The following CDH13 variants were observed in gnomAD, a reference collection of about 807,000 sequenced individuals.
CDH13 encodes cadherin 13, also known as cadherin-13.
Under a neutral mutation model 63.8 loss-of-function variants are expected in CDH13, and 24 were observed. The observed-to-expected ratio is 0.38, with a 90% confidence interval of 0.27 to 0.53. The LOEUF is 0.53. Ranked by LOEUF, CDH13 falls within the 20% of genes least tolerant of loss-of-function variation. The pLI is 0.85. For missense variants in CDH13, 1,049 were observed against 903.1 expected, an observed-to-expected ratio of 1.16 and a Z score of -2.07; for synonymous variants, 503 against 355.3, an observed-to-expected ratio of 1.42 and a Z score of -4.67.
intron 6 of CDH13, among the ~76,000 whole-genome samples, chr16:83,359,853 A>G (rs1315990185): frequency 6.6e-6 from 1 of 152,160 alleles, no homozygotes; most frequent in Non-Finnish European, 1.5e-5. Flanking sequence ...GTGGTTTTTA[A>G]TATATTCACA....
At chr16:82,877,126 T>C (rs970493143) in intron 2 of CDH13, among the ~76,000 whole-genome samples, 5 of 152,238 alleles carry the variant, frequency 3.3e-5, no homozygotes, top group African/African-American at 9.6e-5. Context: ...TAGATATTTA[T>C]AGGGCTTGTA....
At chr16:83,652,976 A>G (rs549534584) in intron 8 of CDH13, among the ~76,000 whole-genome samples, 1 of 152,330 alleles carries the variant, frequency 6.6e-6, no homozygotes, top group African/African-American at 2.4e-5. Flanking sequence ...CACACAAAGG[A>G]CTGAAGTACT....
intron 1 of CDH13, among the ~76,000 whole-genome samples, chr16:82,840,036 A>G (rs1280981417): frequency 6.6e-6 from 1 of 152,208 alleles, no homozygotes; most frequent in African/African-American, 2.4e-5. Context: ...ATGTTCCTTC[A>G]AACTATTTCA....
chr16:83,619,179 G>A (rs75281871), intron 8 of CDH13, among the ~76,000 whole-genome samples: 4 of 152,262 alleles, frequency 2.6e-5, no homozygotes, highest in East Asian at 1.9e-4. Context: ...ATGTATGTGC[G>A]CTATGCCTCC....
chr16:82,842,890 G>A (rs2039094054), intron 1 of CDH13, among the ~76,000 whole-genome samples: 1 of 152,110 alleles, frequency 6.6e-6, no homozygotes, highest in African/African-American at 2.4e-5. Context: ...CGTTACATGT[G>A]TGGTTCACAA....
At chr16:83,039,315 C>A (rs1398685883) in intron 3 of CDH13, among the ~76,000 whole-genome samples, 1 of 152,284 alleles carries the variant, frequency 6.6e-6, no homozygotes, top group Non-Finnish European at 1.5e-5. Flanking sequence ...TGTGGTTTAG[C>A]CTGACTGATC....
intron 6 of CDH13, among the ~76,000 whole-genome samples, chr16:83,410,593 A>G (rs1291053312): frequency 6.6e-6 from 1 of 152,194 alleles, no homozygotes; most frequent in Non-Finnish European, 1.5e-5. Context: ...AGCTCTGGTC[A>G]TGCAATGCTA....
chr16:82,792,577 C>T (rs555535606), intron 1 of CDH13, among the ~76,000 whole-genome samples: 9 of 152,200 alleles, frequency 5.9e-5, no homozygotes, highest in African/African-American at 2.2e-4. Context: ...TATAAGGCCC[C>T]CTAGATAGAA....
At chr16:82,981,376 T>C (rs548529852) in intron 2 of CDH13, among the ~76,000 whole-genome samples, 1 of 152,162 alleles carries the variant, frequency 6.6e-6, no homozygotes, top group African/African-American at 2.4e-5. Context: ...GAATCTCCAG[T>C]CTTGAAGCCC....
intron 6 of CDH13, among the ~76,000 whole-genome samples, chr16:83,478,851 A>AG (rs2073682645): frequency 6.6e-6 from 1 of 150,810 alleles, no homozygotes; most frequent in South Asian, 2.1e-4. Flanking sequence ...AAAAAAAAAA[A>AG]AAGAAAAAAA....
At chr16:82,838,700 G>A (rs2038875396) in intron 1 of CDH13, among the ~76,000 whole-genome samples, 1 of 152,088 alleles carries the variant, frequency 6.6e-6, no homozygotes, top group Non-Finnish European at 1.5e-5. Context: ...AAGTCATTGT[G>A]GGGACCTCTA....
chr16:83,262,320 G>A (rs1170639770), intron 5 of CDH13, among the ~76,000 whole-genome samples: 4 of 152,174 alleles, frequency 2.6e-5, no homozygotes, highest in Non-Finnish European at 5.9e-5. Context: ...CTGCACAGCT[G>A]TGGTGTAATC....
intron 4 of CDH13, among the ~76,000 whole-genome samples, chr16:83,174,402 G>C (rs904213378): frequency 5.9e-5 from 9 of 151,662 alleles, no homozygotes; most frequent in Admixed American, 5.9e-4. Context: ...AAGTTATCTT[G>C]ACCAATGTTT....
At chr16:83,148,347 C>A (rs183145713) in intron 4 of CDH13, among the ~76,000 whole-genome samples, 1 of 149,534 alleles carries the variant, frequency 6.7e-6, no homozygotes, top group Non-Finnish European at 1.5e-5. Flanking sequence ...ACCATGTAGA[C>A]AACATGTAGA....
At chr16:83,526,824 A>G (rs2074973092) in intron 7 of CDH13, among the ~76,000 whole-genome samples, 1 of 152,196 alleles carries the variant, frequency 6.6e-6, no homozygotes, top group Non-Finnish European at 1.5e-5. Context: ...GTCTTGAAGC[A>G]GGCAGGCAGA....
At chr16:83,723,205 C>T (rs952021152) in intron 10 of CDH13, among the ~76,000 whole-genome samples, 1 of 152,228 alleles carries the variant, frequency 6.6e-6, no homozygotes, top group Non-Finnish European at 1.5e-5. Flanking sequence ...AGTATCTGGG[C>T]TTGATAAGCT....
intron 1 of CDH13, among the ~76,000 whole-genome samples, chr16:82,671,921 T>C (rs1367886470): frequency 6.6e-6 from 1 of 152,226 alleles, no homozygotes; most frequent in Non-Finnish European, 1.5e-5. Flanking sequence ...CATTTCTCTG[T>C]GTCTCACTAC....
chr16:83,055,088 C>T (rs2030779102), intron 3 of CDH13, among the ~76,000 whole-genome samples: 1 of 151,748 alleles, frequency 6.6e-6, no homozygotes, highest in African/African-American at 2.4e-5. Context: ...TGAAATATTC[C>T]ATGGGTAAAA....
intron 13 of CDH13, among the ~76,000 whole-genome samples, chr16:83,791,324 C>T (rs1427576469): frequency 3.3e-5 from 5 of 151,958 alleles, no homozygotes; most frequent in Non-Finnish European, 4.4e-5. Flanking sequence ...TGGTGAAACT[C>T]ATCTCTACTA....
Sources: gnomAD v4.1 joint callset for allele counts (sites outside exome capture counted in the v4.1 genomes callset) on GRCh38, gnomAD v4.1.1 for gene constraint, MANE v1.5 for transcripts, NCBI Gene and HGNC (gene_info 2026-07-23, HGNC 2026-07-21) for gene names.